Variants in NTRK1 observed in about 807,000 individuals in gnomAD.
NTRK1 encodes the protein high affinity nerve growth factor receptor.
In NTRK1, 62 loss-of-function variants were observed where a neutral mutation model predicts 86.8. That is an observed-to-expected ratio of 0.71 (90% confidence interval 0.58 to 0.88). NTRK1 has a LOEUF of 0.88. NTRK1 is among the 40% of genes least tolerant of loss of function. The probability of loss-of-function intolerance (pLI) is 0.00; values close to 1 mark genes in which losing one functional copy is unlikely to be tolerated. For missense variants in NTRK1, 967 were observed against 1,078.4 expected (o/e 0.90, Z 1.45); for synonymous variants, 469 against 456.6 (o/e 1.03, Z -0.35).
upstream of NTRK1, chr1:156,860,764 A>C: frequency 8.1e-7 from 1 of 1,228,600 alleles, no homozygotes. Flanking sequence ...GAGAGTAGGA[A>C]GCGGGTGGAG....
chr1:156,878,724 T>C (rs1017805148), intron 14 of NTRK1, among the ~76,000 whole-genome samples: 1 of 152,130 alleles, frequency 6.6e-6, no homozygotes, highest in African/African-American at 2.4e-5. Context: ...AAGGACTCCC[T>C]GGTTTCAGGG....
chr1:156,866,942 C>T lies in NTRK1; in HGVS notation c.392C>T (p.Ser131Phe). ...NLSFNALESL[S>F]WKTVQGLSLQ... is the part of the protein sequence containing the mutation. ...TCCTTCAACGCTCTGGAGTCTCTCT[C>T]CTGGAAAACTGTGCAGGGCCTCTCC... Residue 131 changes from serine (S) to phenylalanine (F), a missense_variant, in exon 4 of 17, where the codon TCC (serine) becomes TTC (phenylalanine). Physicochemically the swap from Ser to Phe is radical, Grantham distance 155 (BLOSUM62 -2). This residue lies in a region of NTRK1 where 330 missense variants were observed against 302.0 expected (regional missense o/e 1.09). Coordinates refer to ENST00000524377, the MANE Select transcript of NTRK1 (RefSeq NM_002529.4). 1.2e-6 allele frequency: 2 copies of T among 1,614,258 alleles called. No homozygotes were observed. Among genetic ancestry groups the T allele is most frequent in the Non-Finnish European group, 1.7e-6 (2 of 1,180,046 alleles).
chr1:156,849,516 A>AT, intron 2 of NTRK1: 17 of 851,596 alleles, frequency 2.0e-5, no homozygotes, highest in East Asian at 9.2e-5. Flanking sequence ...GGGGTGGGAA[A>AT]GGGGATGGCT....
intron 2 of NTRK1, chr1:156,844,958 A>C: frequency 6.4e-7 from 1 of 1,551,936 alleles, no homozygotes; most frequent in South Asian, 1.2e-5. Context: ...GATTATGGGA[A>C]CTGAGAGGGG....
At chr1:156,874,512 G>T in intron 9 of NTRK1, 59 bp from the exon 10 acceptor site, 1 of 1,610,566 alleles carries the variant, frequency 6.2e-7, no homozygotes, top group African/African-American at 1.3e-5. Flanking sequence ...AGGGTTGGGG[G>T]GTTACTGGAG....
At chr1:156,872,539 T>A (rs1392569086) in intron 7 of NTRK1, among the ~76,000 whole-genome samples, 1 of 152,054 alleles carries the variant, frequency 6.6e-6, no homozygotes, top group Non-Finnish European at 1.5e-5. Flanking sequence ...AGTTGCTATA[T>A]GTAGCTCATG....
intron 1 of NTRK1, among the ~76,000 whole-genome samples, chr1:156,835,393 G>A (rs1294006183): frequency 6.6e-6 from 1 of 151,986 alleles, no homozygotes; most frequent in African/African-American, 2.4e-5. Context: ...ATAAGGCTCT[G>A]TGCACTCATC....
chr1:156,844,164 C>T (rs1654899942), intron 2 of NTRK1: 1 of 1,603,298 alleles, frequency 6.2e-7, no homozygotes, highest in Non-Finnish European at 8.5e-7. Context: ...ACCGGTGGGA[C>T]TTATCATCAC....
At chr1:156,816,599 C>G in intron 1 of NTRK1, 1 of 1,503,864 alleles carries the variant, frequency 6.6e-7, no homozygotes, top group Non-Finnish European at 9.1e-7. Flanking sequence ...AGTGGGAGCT[C>G]AAGCCCAGGA....
chr1:156,819,504 T>TTTTTA (rs1553256672), intron 1 of NTRK1, among the ~76,000 whole-genome samples: 12 of 147,176 alleles, frequency 8.2e-5, no homozygotes, highest in South Asian at 2.2e-4. Context: ...GGATTATTAT[T>TTTTTA]TTTTTATTTT....
In NTRK1 at chr1:156,866,975, A is replaced by G. The variant is rs1655964414; in HGVS notation, c.425A>G (p.Glu142Gly). Reference sequence around the variant, plus strand: ...ACTGTGCAGGGCCTCTCCTTACAGGAACTGTGAGTGGGGGCGCTTCCAGGG... The same window carrying G: ...ACTGTGCAGGGCCTCTCCTTACAGGGACTGTGAGTGGGGGCGCTTCCAGGG... ...WKTVQGLSLQ[E>G]LVLSGNPLHC... Residue 142 changes from glutamate to glycine, a missense_variant, in exon 4 of 17, where the codon GAA (glutamate) becomes GGA (glycine). Glu to Gly is a moderately conservative substitution (Grantham distance 98, BLOSUM62 -2). This residue lies in a region of NTRK1 where 330 missense variants were observed against 302.0 expected (regional missense o/e 1.09). Transcript: ENST00000524377. The G allele has an allele frequency of 1.9e-6, 3 of 1,614,188 alleles. No individual in the cohort carries two copies. Among genetic ancestry groups the G allele is most frequent in the East Asian group, 2.2e-5 (1 of 44,886 alleles).
upstream of NTRK1, chr1:156,858,760 C>A: frequency 1.5e-6 from 1 of 687,644 alleles, no homozygotes; most frequent in African/African-American, 1.8e-5. Flanking sequence ...CAAGGAATCC[C>A]ACACAGAGAC....
chr1:156,849,999 C>T (rs1655145988), intron 2 of NTRK1, among the ~76,000 whole-genome samples: 2 of 151,944 alleles, frequency 1.3e-5, no homozygotes, highest in African/African-American at 2.4e-5. Flanking sequence ...ACCTCCCGGG[C>T]TCAGGTGATC....
upstream of NTRK1, among the ~76,000 whole-genome samples, chr1:156,860,249 C>A (rs576429129): frequency 9.9e-4 from 151 of 152,300 alleles, no homozygotes; most frequent in African/African-American, 3.4e-3. Flanking sequence ...CCTTTGCGCG[C>A]GGGCTTCTCG....
chr1:156,848,851 T>A (rs1571665427), intron 2 of NTRK1: 1 of 1,514,878 alleles, frequency 6.6e-7, no homozygotes, highest in East Asian at 2.5e-5. Flanking sequence ...CGCCCTCACC[T>A]GCCTGTGGTC....
In NTRK1 at chr1:156,881,830, A is replaced by T. The variant is rs1284648541; in HGVS notation, c.*188A>T. The T allele has an allele frequency of 8.6e-6, 5 of 584,430 alleles. No homozygotes were observed. The Admixed American group carries it at 1.7e-4, about 20-fold the overall frequency. The allele number at this position is 584,430 out of a possible 1,614,324, so 36.2% of individuals were successfully genotyped here. A position where few individuals can be genotyped will look rare whatever the true frequency, so the allele number is the denominator to read the frequency against. On this transcript the variant is annotated 3_prime_UTR_variant, in exon 17 of 17. Transcript: ENST00000524377. Reference sequence around the variant, plus strand: ...TCTCTAGGCAAGGTCCCGTCATAGCAATTATATTTATTATCCCTTGGCTGT... The same window carrying T: ...TCTCTAGGCAAGGTCCCGTCATAGCTATTATATTTATTATCCCTTGGCTGT...
intron 1 of NTRK1, among the ~76,000 whole-genome samples, chr1:156,821,860 A>G (rs1654200632): frequency 6.6e-6 from 1 of 152,212 alleles, no homozygotes; most frequent in African/African-American, 2.4e-5. Flanking sequence ...GTTATCCTAT[A>G]GGAACCGACA....
chr1:156,845,962 G>C, intron 2 of NTRK1: 1 of 1,612,656 alleles, frequency 6.2e-7, no homozygotes, highest in Non-Finnish European at 8.5e-7. Context: ...CGCGGTGGCA[G>C]TAGTCATTGA....
chr1:156,868,620 A>G lies in NTRK1; in HGVS notation c.690A>G (p.Thr230=). 6.4e-7 allele frequency: 1 copy of G among 1,551,088 alleles called. No homozygotes were observed. Among genetic ancestry groups the G allele is most frequent in the Non-Finnish European group, 8.7e-7 (1 of 1,147,030 alleles). Reference sequence around the variant, plus strand: ...TGGAGCAGGCCGGCTGGATCCTCACAGAGCTGGAGCAGTCAGCCACGGTGA... The same window carrying G: ...TGGAGCAGGCCGGCTGGATCCTCACGGAGCTGGAGCAGTCAGCCACGGTGA... ...RGLEQAGWIL[T]ELEQSATVMK... is the part of the protein sequence containing the mutation. The change falls in exon 6 of 17, where the codon ACA becomes ACG. Residue 230 remains threonine (T), a synonymous_variant. Coordinates refer to ENST00000524377, the MANE Select transcript of NTRK1 (RefSeq NM_002529.4).
Sources: allele counts gnomAD v4.1 joint callset (sites outside exome capture counted in the v4.1 genomes callset), GRCh38; gene constraint gnomAD v4.1.1; regional missense constraint gnomAD v4.1.1; transcripts MANE v1.5; gene names NCBI Gene and HGNC (gene_info 2026-07-23, HGNC 2026-07-21).